The following UBE2V2 variants were observed in gnomAD, a reference collection of about 807,000 sequenced individuals.
The protein encoded by UBE2V2 is ubiquitin-conjugating enzyme E2 variant 2.
UBE2V2 carries 9 observed loss-of-function variants against 17.2 expected under a neutral mutation model. That is an observed-to-expected ratio of 0.52 (90% confidence interval 0.32 to 0.91). The LOEUF (loss-of-function observed/expected upper bound fraction) is 0.91. Among genes scored for constraint, UBE2V2 ranks in the 40% least tolerant of loss-of-function variants. UBE2V2 has a pLI of 0.04. For missense variants in UBE2V2, 133 were observed against 182.6 expected, an observed-to-expected ratio of 0.73 and a Z score of 1.56; for synonymous variants, 61 against 57.5, an observed-to-expected ratio of 1.06 and a Z score of -0.28.
intron 1 of UBE2V2, among the ~76,000 whole-genome samples, chr8:48,028,949 A>G (rs2091365130): frequency 6.6e-6 from 1 of 152,184 alleles, no homozygotes; most frequent in Non-Finnish European, 1.5e-5. Flanking sequence ...TTTGGAACCC[A>G]AAAGTTTAAA....
upstream of UBE2V2, among the ~76,000 whole-genome samples, chr8:48,003,434 G>A (rs2091165187): frequency 3.3e-5 from 5 of 152,110 alleles, no homozygotes; most frequent in South Asian, 1.0e-3. Context: ...ACAGGAGAAA[G>A]AAGCCCAGTT....
At chr8:48,039,503 G>A (rs1189455264) in intron 1 of UBE2V2, among the ~76,000 whole-genome samples, 1 of 152,046 alleles carries the variant, frequency 6.6e-6, no homozygotes, top group Non-Finnish European at 1.5e-5. Context: ...TGTTCTCATT[G>A]TTCTCTAGGG....
intron 1 of UBE2V2, among the ~76,000 whole-genome samples, chr8:48,026,707 A>G (rs1275151718): frequency 6.6e-6 from 1 of 152,130 alleles, no homozygotes; most frequent in African/African-American, 2.4e-5. Context: ...ACTTAGCGTA[A>G]TGTTTTTAAG....
chr8:48,017,208 C>G (rs1279577073), intron 1 of UBE2V2, among the ~76,000 whole-genome samples: 1 of 151,962 alleles, frequency 6.6e-6, no homozygotes, highest in African/African-American at 2.4e-5. Flanking sequence ...TCATATACCT[C>G]TTGGCCATTT....
At chr8:48,047,368 T>G (rs2091506819) in intron 2 of UBE2V2, among the ~76,000 whole-genome samples, 1 of 152,204 alleles carries the variant, frequency 6.6e-6, no homozygotes, top group African/African-American at 2.4e-5. Context: ...TAGTACTTTT[T>G]CAAGTTTTCT....
upstream of UBE2V2, among the ~76,000 whole-genome samples, chr8:48,003,908 G>T (rs977269092): frequency 1.3e-5 from 2 of 152,158 alleles, no homozygotes; most frequent in African/African-American, 2.4e-5. Flanking sequence ...GGCTGAGTGT[G>T]GGCATCCACT....
At chr8:48,024,316 C>T (rs912189743) in intron 1 of UBE2V2, among the ~76,000 whole-genome samples, 4 of 152,064 alleles carry the variant, frequency 2.6e-5, no homozygotes, top group Non-Finnish European at 5.9e-5. Context: ...AGACTCTTGG[C>T]TGGGTATGGT....
intron 1 of UBE2V2, among the ~76,000 whole-genome samples, chr8:48,021,338 G>C: frequency 1.5e-5 from 2 of 131,374 alleles, no homozygotes; most frequent in Admixed American, 1.8e-4. Context: ...ACGGAGTCTC[G>C]CTCTGTCGCC....
At chr8:48,054,141 G>A (rs1191929720) in intron 3 of UBE2V2, among the ~76,000 whole-genome samples, 11 of 152,220 alleles carry the variant, frequency 7.2e-5, no homozygotes, top group Middle Eastern at 3.4e-3. Flanking sequence ...AATGTTCTCC[G>A]TCAGATTGCT....
intron 1 of UBE2V2, among the ~76,000 whole-genome samples, chr8:48,033,162 G>C (rs1212061177): frequency 6.6e-6 from 1 of 152,040 alleles, no homozygotes; most frequent in African/African-American, 2.4e-5. Context: ...AAGGCAAAAA[G>C]ACTCAGTGAT....
At chr8:48,057,893 G>A (rs531098783) in intron 3 of UBE2V2, among the ~76,000 whole-genome samples, 2 of 152,220 alleles carry the variant, frequency 1.3e-5, no homozygotes, top group South Asian at 2.1e-4. Flanking sequence ...CCTTTGAATT[G>A]TCTATATACC....
chr8:48,024,924 G>T (rs964756740), intron 1 of UBE2V2, among the ~76,000 whole-genome samples: 1 of 150,382 alleles, frequency 6.6e-6, no homozygotes, highest in Non-Finnish European at 1.5e-5. Context: ...TATATTATTT[G>T]TTCCCTTACT....
chr8:48,043,249 A>T, intron 2 of UBE2V2, 68 bp downstream of exon 2: 6 of 1,174,446 alleles, frequency 5.1e-6, no homozygotes, highest in Non-Finnish European at 6.7e-6. Context: ...ATTTTATACT[A>T]TTGATATTAA....
intron 1 of UBE2V2, among the ~76,000 whole-genome samples, chr8:48,023,735 G>A (rs181569564): frequency 1.2e-4 from 18 of 152,110 alleles, no homozygotes; most frequent in African/African-American, 3.9e-4. Flanking sequence ...AATTAGCCAG[G>A]CATGATGGTG....
chr8:48,008,460 G>T lies in UBE2V2; in HGVS notation c.6G>T (p.Ala2=). 1 of 1,567,396 alleles carries T rather than the reference G, an allele frequency of 6.4e-7. No individual in the cohort carries two copies. The highest frequency in any genetic ancestry group is 8.6e-7 in the Non-Finnish European group (1 of 1,158,990). Residue 2 remains alanine (A), a synonymous_variant, in exon 1 of 4, where the codon GCG becomes GCT. Transcript: ENST00000523111. M[A]VSTGVKVPRN... is the part of the protein sequence containing the mutation. ...GCGTCGGGCTGCAGGAGAAGATGGC[G>T]GTCTCCACAGGTCGGTTCCCGGGCC...
intron 1 of UBE2V2, among the ~76,000 whole-genome samples, chr8:48,032,285 A>T (rs2091388730): frequency 6.6e-6 from 1 of 152,194 alleles, no homozygotes; most frequent in East Asian, 1.9e-4. Flanking sequence ...CAATTTTTTG[A>T]AATATTTTAG....
At chr8:48,051,512 A>G (rs1312215843) in intron 3 of UBE2V2, among the ~76,000 whole-genome samples, 1 of 152,032 alleles carries the variant, frequency 6.6e-6, no homozygotes, top group Non-Finnish European at 1.5e-5. Flanking sequence ...TCATCTGTTT[A>G]CCATCTGTTA....
In UBE2V2 at chr8:48,013,088, G is replaced by A. The variant is rs372373302; in HGVS notation, c.16+4618G>A. On this transcript the variant is annotated intron_variant, in intron 1 of 3. Coordinates refer to ENST00000523111, the MANE Select transcript of UBE2V2 (RefSeq NM_003350.3). ...TTTCAAACTCCTGGCCTCATGATCCGCCCGCCTTGGCCTCCCAAAGTGCTG... is the reference window on the plus strand; with the variant it reads ...TTTCAAACTCCTGGCCTCATGATCCACCCGCCTTGGCCTCCCAAAGTGCTG... 4.6e-5 allele frequency among the ~76,000 whole-genome samples: 7 copies of A among 152,094 alleles called. No individual in the cohort carries two copies. In the East Asian group the frequency reaches 1.2e-3, roughly 25 times the overall value.
intron 1 of UBE2V2, among the ~76,000 whole-genome samples, chr8:48,013,303 C>T (rs534247114): frequency 6.0e-5 from 9 of 148,990 alleles, no homozygotes; most frequent in Non-Finnish European, 8.8e-5. Context: ...TACATTGTAA[C>T]GTGAAACTTT....
Sources: allele counts gnomAD v4.1 joint callset (sites outside exome capture counted in the v4.1 genomes callset), GRCh38; gene constraint gnomAD v4.1.1; transcripts MANE v1.5; gene names NCBI Gene and HGNC (gene_info 2026-07-23, HGNC 2026-07-21).